MGST3: variants seen among roughly 807,000 people sequenced by gnomAD.
The protein encoded by MGST3 is glutathione S-transferase 3, mitochondrial.
In MGST3, 13 loss-of-function variants were observed where a neutral mutation model predicts 15.8. The observed-to-expected ratio is 0.82, with a 90% CI of 0.54 to 1.31. The LOEUF (loss-of-function observed/expected upper bound fraction) is 1.31. Ranked by LOEUF, MGST3 falls within the 50% of genes most tolerant of loss-of-function variation. MGST3 has a pLI of 0.00. For missense variants in MGST3, 155 were observed against 192.4 expected, an observed-to-expected ratio of 0.81 and a Z score of 1.15; for synonymous variants, 49 against 68.1, an observed-to-expected ratio of 0.72 and a Z score of 1.38.
intron 4 of MGST3, 52 bp from the exon 5 acceptor site, chr1:165,654,221 TTAAAAA>T: frequency 6.5e-7 from 1 of 1,536,716 alleles, no homozygotes; most frequent in East Asian, 2.2e-5. Context: ...ACCCTAGGTG[TTAAAAA>T]AGGTTTGCTT....
At chr1:165,654,581 C>T (rs778440856) in intron 5 of MGST3, among the ~76,000 whole-genome samples, 2 of 152,064 alleles carry the variant, frequency 1.3e-5, no homozygotes, top group Non-Finnish European at 2.9e-5. Flanking sequence ...GTCCCAGCTA[C>T]TTGGGAGGCT....
intron 1 of MGST3, among the ~76,000 whole-genome samples, chr1:165,635,566 A>G (rs1042380592): frequency 1.6e-4 from 24 of 152,228 alleles, no homozygotes; most frequent in Non-Finnish European, 1.3e-4. Flanking sequence ...ACTCCCAGCC[A>G]GTGCAGCCAT....
chr1:165,634,013 A>C (rs7523515), intron 1 of MGST3, among the ~76,000 whole-genome samples: 135,591 of 151,488 alleles, frequency 0.9, 60,792 homozygotes, highest in East Asian at 1. Context: ...CTTGTTTGGA[A>C]CTTTCCCAAA....
intron 4 of MGST3, among the ~76,000 whole-genome samples, chr1:165,652,560 A>G (rs1378683827): frequency 1.3e-5 from 2 of 152,008 alleles, no homozygotes; most frequent in African/African-American, 4.8e-5. Context: ...TGGAAAGGGG[A>G]TGTGGAGTGG....
rs565376410 is a variant in MGST3, at chr1:165,633,134, C to G, written c.-8+1841C>G. On this transcript the variant is annotated intron_variant, in intron 1 of 5. Coordinates refer to ENST00000367889, the MANE Select transcript of MGST3 (RefSeq NM_004528.4). The stretch of plus-strand genomic sequence containing the variant: ...CTCAATTTATTAATGCTACTGTAAG[C>G]TTACCATCTTCCTGAACAAAAAATT... 2.0e-4 allele frequency among the ~76,000 whole-genome samples: 31 copies of G among 152,306 alleles called. 1 individual carries two copies. The South Asian group carries it at 6.4e-3, about 32-fold the overall frequency.
intron 1 of MGST3, among the ~76,000 whole-genome samples, chr1:165,638,966 C>T (rs1311120171): frequency 1.3e-5 from 2 of 151,484 alleles, no homozygotes; most frequent in East Asian, 3.9e-4. Context: ...TGGTATTCAA[C>T]ATTGCATTGC....
intron 1 of MGST3, 79 bp from the exon 2 acceptor site, chr1:165,649,762 G>A: frequency 6.3e-7 from 1 of 1,578,192 alleles, no homozygotes; most frequent in Non-Finnish European, 8.7e-7. Context: ...CAGTAATAAA[G>A]CATCTTGCTC....
chr1:165,655,028 C>T (rs1648670698), intron 5 of MGST3, among the ~76,000 whole-genome samples: 1 of 152,200 alleles, frequency 6.6e-6, no homozygotes, highest in South Asian at 2.1e-4. Flanking sequence ...TCCAGAGCCT[C>T]ACCATTACTA....
At chr1:165,632,100 G>T in intron 1 of MGST3, 1 of 707,990 alleles carries the variant, frequency 1.4e-6, no homozygotes. Context: ...TACTTTCCTT[G>T]AGAGTCACGA....
chr1:165,639,295 A>C (rs1208734284), intron 1 of MGST3, among the ~76,000 whole-genome samples: 1 of 152,194 alleles, frequency 6.6e-6, no homozygotes. Context: ...GTGTGTTAGT[A>C]GCAAAAAGCA....
At chr1:165,632,591 T>C (rs1647983320) in intron 1 of MGST3, among the ~76,000 whole-genome samples, 1 of 152,128 alleles carries the variant, frequency 6.6e-6, no homozygotes, top group Non-Finnish European at 1.5e-5. Flanking sequence ...CCTGACACAA[T>C]GTTACGGAAA....
chr1:165,635,274 A>G (rs1648076338), intron 1 of MGST3, among the ~76,000 whole-genome samples: 1 of 151,988 alleles, frequency 6.6e-6, no homozygotes, highest in Non-Finnish European at 1.5e-5. Context: ...TTGTCCTTAT[A>G]CCTGCAGGGG....
At chr1:165,650,087 G>T (rs867970624) in intron 2 of MGST3, 123 bp downstream of exon 2, 1 of 1,444,474 alleles carries the variant, frequency 6.9e-7, no homozygotes, top group Non-Finnish European at 9.5e-7. Context: ...GGCAGTTTCA[G>T]GACTGTGTTA....
intron 1 of MGST3, among the ~76,000 whole-genome samples, chr1:165,638,556 G>T (rs992977412): frequency 6.6e-6 from 1 of 151,820 alleles, no homozygotes; most frequent in Admixed American, 6.6e-5. Context: ...GGCCAAGGAG[G>T]GTGGATCACT....
intron 5 of MGST3, 38 bp from the exon 6 acceptor site, chr1:165,655,330 A>G: frequency 1.9e-6 from 3 of 1,613,014 alleles, no homozygotes; most frequent in Non-Finnish European, 2.5e-6. Context: ...ATAATTCTGG[A>G]GCACTCCTGG....
At chr1:165,635,318 A>G (rs371340751) in intron 1 of MGST3, among the ~76,000 whole-genome samples, 2 of 152,246 alleles carry the variant, frequency 1.3e-5, no homozygotes, top group East Asian at 3.8e-4. Context: ...TTATAAATCT[A>G]GTATTCTTAG....
intron 1 of MGST3, among the ~76,000 whole-genome samples, chr1:165,635,102 C>T (rs578256471): frequency 3.9e-5 from 6 of 152,118 alleles, no homozygotes; most frequent in South Asian, 2.1e-4. Context: ...CCCTCCACCC[C>T]GCCCTCTGAG....
At chr1:165,653,962 A>C (rs1346703705) in intron 4 of MGST3, 1 of 382,734 alleles carries the variant, frequency 2.6e-6, no homozygotes, top group Non-Finnish European at 4.8e-6. Flanking sequence ...GCTGGCCCAC[A>C]TGTCCTTCTC....
At chr1:165,650,226 T>C in intron 2 of MGST3, 1 of 500,568 alleles carries the variant, frequency 2.0e-6, no homozygotes. Flanking sequence ...AATAGTACAC[T>C]TCTGCTTGGA....
Sources: gnomAD v4.1 joint callset for allele counts (sites outside exome capture counted in the v4.1 genomes callset) on GRCh38, gnomAD v4.1.1 for gene constraint, MANE v1.5 for transcripts, NCBI Gene and HGNC (gene_info 2026-07-23, HGNC 2026-07-21) for gene names.